NLRP3: variants seen among roughly 807,000 people sequenced by gnomAD.
The protein encoded by NLRP3 is NLR family pyrin domain containing 3.
In NLRP3, 48 loss-of-function variants were observed where a neutral mutation model predicts 91.3. The observed-to-expected ratio is 0.53, with a 90% CI of 0.42 to 0.67. The LOEUF is 0.67. Among genes scored for constraint, NLRP3 ranks in the 30% least tolerant of loss-of-function variants. The pLI is 0.00. For missense variants in NLRP3, 982 were observed against 1,276.9 expected, an observed-to-expected ratio of 0.77 and a Z score of 3.52; for synonymous variants, 561 against 507.9, an observed-to-expected ratio of 1.10 and a Z score of -1.41.
intron 2 of NLRP3, among the ~76,000 whole-genome samples, chr1:247,422,582 T>A (rs1010444889): frequency 6.6e-6 from 1 of 152,040 alleles, no homozygotes; most frequent in African/African-American, 2.4e-5. Context: ...ACCTGGGAGC[T>A]TTTAGTATGT....
chr1:247,445,868 C>T (rs1664554843), intron 9 of NLRP3, among the ~76,000 whole-genome samples: 1 of 152,168 alleles, frequency 6.6e-6, no homozygotes, highest in African/African-American at 2.4e-5. Flanking sequence ...ACACTTTCTC[C>T]CTCATTTAAA....
Position 247,440,429 on chromosome 1 carries a change from T to G in NLRP3, c.2664-3543T>G, listed in dbSNP as rs944112625. Among the ~76,000 whole-genome samples, 4 of 152,286 alleles carry G rather than the reference T, an allele frequency of 2.6e-5. No individual in the cohort carries two copies. The East Asian group carries it at 7.7e-4, about 29-fold the overall frequency. ...ACTCATCACTACACCAGAGGGAACT[T>G]TTTAAGATGCAAATTTGAAAATATT... On this transcript the variant is annotated intron_variant, in intron 7 of 9. Transcript: ENST00000336119.
intron 2 of NLRP3, among the ~76,000 whole-genome samples, chr1:247,421,693 A>G (rs1662471424): frequency 6.6e-6 from 1 of 152,238 alleles, no homozygotes; most frequent in African/African-American, 2.4e-5. Context: ...GAGCTGGGGT[A>G]AAAAGCAGGG....
In NLRP3 at chr1:247,448,575, G is replaced by C. The variant is rs1316045535; in HGVS notation, c.*71G>C. ...AGCTGGGGGCCCTCAGGTGGAGAGA[G>C]CTGCGATCCATCCAGGCCAAGACCA... On this transcript the variant is annotated 3_prime_UTR_variant, in exon 10 of 10. Transcript: ENST00000336119. 12 of 907,490 alleles carry C rather than the reference G, an allele frequency of 1.3e-5. No homozygotes were observed. The highest frequency in any genetic ancestry group is 1.9e-5 in the Non-Finnish European group (10 of 536,164). 56.2% of individuals were successfully genotyped at this position (907,490 alleles called of 1,614,324 possible). A position where few individuals can be genotyped will look rare whatever the true frequency, so the allele number is the denominator to read the frequency against.
Position 247,418,271 on chromosome 1 carries a change from G to C in NLRP3, c.-530G>C. 4.8e-6 allele frequency: 1 copy of C among 209,778 alleles called. No individual in the cohort carries two copies. Among genetic ancestry groups the C allele is most frequent in the South Asian group, 7.1e-5 (1 of 14,118 alleles). The allele number at this position is 209,778 out of a possible 1,614,324, so 13.0% of individuals were successfully genotyped here. ...GGCTCAGGACACACTCCTGGATCGA[G>C]CCAACAGGAGAACTTTCTGGTAAGC... is the stretch of plus-strand genomic sequence containing the variant. On this transcript the variant is annotated 5_prime_UTR_variant, in exon 2 of 10. Transcript: ENST00000336119.
intron 9 of NLRP3, 66 bp downstream of exon 9, chr1:247,444,887 C>G: frequency 6.5e-7 from 1 of 1,546,428 alleles, no homozygotes; most frequent in Admixed American, 1.7e-5. Flanking sequence ...TGACTGTTAT[C>G]AAAATCCAGG....
intron 8 of NLRP3, 115 bp from the exon 9 acceptor site, chr1:247,444,536 G>A (rs1357897205): frequency 3.6e-6 from 4 of 1,103,966 alleles, no homozygotes; most frequent in Non-Finnish European, 5.5e-6. Context: ...TTAGTCCTGT[G>A]CTCCTGTGCT....
chr1:247,447,264 T>C (rs1268045560), intron 9 of NLRP3, among the ~76,000 whole-genome samples: 1 of 152,060 alleles, frequency 6.6e-6, no homozygotes, highest in African/African-American at 2.4e-5. Flanking sequence ...TGTTATGTGA[T>C]TGCATGGAGG....
At chr1:247,435,572 G>A (rs1663727573) in intron 6 of NLRP3, among the ~76,000 whole-genome samples, 1 of 152,110 alleles carries the variant, frequency 6.6e-6, no homozygotes, top group Non-Finnish European at 1.5e-5. Flanking sequence ...GCGGAGAGTG[G>A]GAAGACATTG....
At chr1:247,429,500 G>A in intron 4 of NLRP3, 85 bp from the exon 5 acceptor site, 1 of 1,474,718 alleles carries the variant, frequency 6.8e-7, no homozygotes, top group Non-Finnish European at 9.5e-7. Flanking sequence ...TCTCTGAACT[G>A]GTGCCAGGCA....
rs1052826468 is a variant in NLRP3 at position 247,436,145 on chromosome 1, G to A, written c.2663+5G>A. The A allele has an allele frequency of 6.2e-7, 1 of 1,614,048 alleles. No homozygotes were observed. Among genetic ancestry groups the A allele is most frequent in the African/African-American group, 1.3e-5 (1 of 75,050 alleles). On this transcript the variant is annotated splice_donor_5th_base_variant and intron_variant, in intron 7 of 9. Transcript: ENST00000336119. ...GTGTAACCTGCAGAAACTGGGGTAA[G>A]TCTTCATGGGTGTCTTACCAGAAAA...
At chr1:247,431,132 C>T (rs530318285) in intron 5 of NLRP3, among the ~76,000 whole-genome samples, 4 of 151,980 alleles carry the variant, frequency 2.6e-5, no homozygotes, top group South Asian at 4.2e-4. Flanking sequence ...GGCAGTGAGC[C>T]GAGATCGTGC....
At chr1:247,444,924 T>C in intron 9 of NLRP3, 103 bp downstream of exon 9, 5 of 1,271,066 alleles carry the variant, frequency 3.9e-6, no homozygotes, top group Admixed American at 2.0e-5. Flanking sequence ...TTGCAGCCAC[T>C]CAAGATTAGG....
At chr1:247,438,678 C>T (rs140926579) in intron 7 of NLRP3, among the ~76,000 whole-genome samples, 91 of 152,326 alleles carry the variant, frequency 6.0e-4, no homozygotes, top group African/African-American at 2.0e-3. Flanking sequence ...GCCACACACC[C>T]GCCTGGTTTA....
chr1:247,435,870 T>C (rs1663754346), intron 6 of NLRP3, 100 bp from the exon 7 acceptor site: 3 of 1,087,796 alleles, frequency 2.8e-6, no homozygotes, highest in Non-Finnish European at 4.2e-6. Context: ...CCTTTCCATG[T>C]GTAAACTGGA....
chr1:247,438,173 G>A (rs546650858), intron 7 of NLRP3, among the ~76,000 whole-genome samples: 74 of 152,240 alleles, frequency 4.9e-4, no homozygotes, highest in African/African-American at 1.6e-3. Context: ...GGTCCTTATA[G>A]GTCGTACAGG....
intron 4 of NLRP3, among the ~76,000 whole-genome samples, chr1:247,428,786 T>C (rs980167386): frequency 1.1e-4 from 17 of 152,170 alleles, no homozygotes; most frequent in Admixed American, 3.3e-4. Context: ...TGGCACTGCA[T>C]TCCAGCTTGG....
rs72771995 is a variant in NLRP3 at position 247,430,412 on chromosome 1, G to A, written c.2321+657G>A. 7.0e-5 allele frequency among the ~76,000 whole-genome samples: 10 copies of A among 143,772 alleles called. No individual in the cohort carries two copies. The South Asian group carries it at 2.4e-3, about 34-fold the overall frequency. The allele number at this position is 143,772 out of a possible 152,430, so 94.3% of individuals were successfully genotyped here. A position where few individuals can be genotyped will look rare whatever the true frequency, so the allele number is the denominator to read the frequency against. On this transcript the variant is annotated intron_variant, in intron 5 of 9. Transcript: ENST00000336119. ...CTCTTCTTACAGGGACAGCAGTCCT[G>A]ATGGATTAGGCACAGTCAGGCATGA...
intron 2 of NLRP3, among the ~76,000 whole-genome samples, chr1:247,422,054 G>A (rs1254012183): frequency 6.6e-6 from 1 of 152,120 alleles, no homozygotes; most frequent in Non-Finnish European, 1.5e-5. Context: ...ATTTTATTTT[G>A]TGATATGGTT....
Sources: allele counts gnomAD v4.1 joint callset (sites outside exome capture counted in the v4.1 genomes callset), GRCh38; gene constraint gnomAD v4.1.1; transcripts MANE v1.5; gene names NCBI Gene and HGNC (gene_info 2026-07-23, HGNC 2026-07-21).